The following VWA5B1 variants were observed in gnomAD, a reference collection of about 807,000 sequenced individuals.
The protein encoded by VWA5B1 is von Willebrand factor A domain-containing protein 5B1.
A neutral mutation model predicts 118.2 loss-of-function variants in VWA5B1; 115 were observed. The observed-to-expected ratio is 0.97, with a 90% CI of 0.84 to 1.14. The LOEUF (loss-of-function observed/expected upper bound fraction) is 1.14, where lower values mean the gene tolerates loss of function less well. Among genes scored for constraint, VWA5B1 ranks in the 50% most tolerant of loss-of-function variants. VWA5B1 has a pLI of 0.00. For synonymous variants in VWA5B1, 682 were observed against 658.4 expected (o/e 1.04, Z -0.55); for missense variants, 1,596 against 1,603.8 (o/e 1.00, Z 0.08).
At chr1:20,311,874 G>A (rs1226374237) in intron 2 of VWA5B1, among the ~76,000 whole-genome samples, 4 of 152,182 alleles carry the variant, frequency 2.6e-5, no homozygotes, top group African/African-American at 7.2e-5. Flanking sequence ...CTGTTCCTCT[G>A]TTCAAGGAAA....
At chr1:20,310,837 T>A (rs1255277165) in intron 2 of VWA5B1, 97 bp downstream of exon 2, 1 of 1,396,616 alleles carries the variant, frequency 7.2e-7, no homozygotes. Context: ...AGGCAAGTCA[T>A]GCCACCCCTC....
At position 20,304,752 on chromosome 1, in the gene VWA5B1, C is replaced by A. The variant is rs546674553; in HGVS notation, c.-26-5824C>A. On this transcript the variant is annotated intron_variant, in intron 1 of 21. Coordinates refer to ENST00000289815, the MANE Select transcript of VWA5B1 (RefSeq NM_001039500.3). ...GAGGTGACAAGGCTTGAGGGAAGCT[C>A]GGCACAGGAGATAGTGTACCCTCAT... 6.6e-5 allele frequency among the ~76,000 whole-genome samples: 10 copies of A among 152,174 alleles called. 1 individual carries two copies. Among genetic ancestry groups the A allele is most frequent in the Admixed American group, 6.5e-4 (10 of 15,296 alleles).
At chr1:20,302,605 C>A (rs1485228517) in intron 1 of VWA5B1, among the ~76,000 whole-genome samples, 1 of 152,198 alleles carries the variant, frequency 6.6e-6, no homozygotes, top group Non-Finnish European at 1.5e-5. Flanking sequence ...CCCAGCCTAG[C>A]AGTGTCTGGC....
Position 20,313,010 on chromosome 1 carries a change from C to T in VWA5B1, c.292+22C>T, listed in dbSNP as rs982910943. ...ACAGGTAAGGAGACCAGAAGGGCTG[C>T]CGCGGGACCTGGGTTTGGCCAGCCA... On this transcript the variant is annotated intron_variant, in intron 3 of 21. Coordinates refer to ENST00000289815, the MANE Select transcript of VWA5B1 (RefSeq NM_001039500.3). The T allele has an allele frequency of 3.9e-6, 6 of 1,546,838 alleles. No homozygotes were observed. The African/African-American group carries it at 5.5e-5, about 14-fold the overall frequency.
intron 21 of VWA5B1, among the ~76,000 whole-genome samples, chr1:20,352,577 G>T (rs2090151162): frequency 6.6e-6 from 1 of 152,216 alleles, no homozygotes; most frequent in Non-Finnish European, 1.5e-5. Flanking sequence ...GACATGGACT[G>T]TGTTTAGCAA....
intron 18 of VWA5B1, 58 bp downstream of exon 18, chr1:20,348,416 T>C (rs2090053805): frequency 1.3e-6 from 2 of 1,521,058 alleles, no homozygotes. Context: ...CCTGGGCCCC[T>C]GAGGTTACCG....
In VWA5B1 at chr1:20,312,983, T is replaced by A. The variant is rs1366375078; in HGVS notation, c.287T>A (p.Val96Asp). 1 of 1,551,550 alleles carries A rather than the reference T, an allele frequency of 6.4e-7. No individual in the cohort carries two copies. Among genetic ancestry groups the A allele is most frequent in the South Asian group, 1.2e-5 (1 of 84,036 alleles). ...FDASHVRSPT[V>D]TGNILQDGVS... Reference sequence around the variant, plus strand: ...GCCTCCCATGTTCGATCCCCAACAGTCACAGGTAAGGAGACCAGAAGGGCT... The same window carrying A: ...GCCTCCCATGTTCGATCCCCAACAGACACAGGTAAGGAGACCAGAAGGGCT... The change falls in exon 3 of 22, where the codon GTC (valine) becomes GAC (aspartate). Residue 96 changes from valine to aspartate, a missense_variant. By Grantham distance (152) the Val-to-Asp change is radical. Transcript: ENST00000289815.
At position 20,332,947 on chromosome 1, in the gene VWA5B1, G is replaced by C; in HGVS notation, c.1754G>C (p.Arg585Thr). 1.4e-5 allele frequency: 21 copies of C among 1,551,930 alleles called. No individual in the cohort carries two copies. Among genetic ancestry groups the C allele is most frequent in the Non-Finnish European group, 1.7e-5 (20 of 1,147,028 alleles). ...GCTTCTTTGCACATCTCCAATCCCA[G>C]ATCTGTAAGTATCCTAGAAATTCCA... ...CDASLHISNPRSDKRRRYSML... is the reference protein window; with the variant it reads ...CDASLHISNPTSDKRRRYSML... Residue 585 changes from arginine (R) to threonine (T), a missense_variant, in exon 12 of 22, where the codon AGA becomes ACA. Physicochemically the swap from Arg to Thr is moderately conservative, Grantham distance 71. Coordinates refer to ENST00000289815, the MANE Select transcript of VWA5B1 (RefSeq NM_001039500.3).
rs113500686 is a variant in VWA5B1, at chr1:20,328,172, T to A, written c.1254+172T>A. 7.2e-4 allele frequency among the ~76,000 whole-genome samples: 110 copies of A among 152,090 alleles called. 1 individual carries two copies. The highest frequency in any genetic ancestry group is 2.1e-3 in the African/African-American group (89 of 41,466). Reference sequence around the variant, plus strand: ...GAGAACTGAAGAGAAACTATCTCTGTTTGGACATTTTTCTGACATCTCAGC... The same window carrying A: ...GAGAACTGAAGAGAAACTATCTCTGATTGGACATTTTTCTGACATCTCAGC... On this transcript the variant is annotated intron_variant, in intron 9 of 21. Transcript: ENST00000289815.
chr1:20,337,950 A>G (rs2089768398), intron 14 of VWA5B1, 114 bp downstream of exon 14: 1 of 1,319,746 alleles, frequency 7.6e-7, no homozygotes, highest in Admixed American at 2.0e-5. Flanking sequence ...CTGCCAAGTG[A>G]GTCACTCCCT....
intron 1 of VWA5B1, among the ~76,000 whole-genome samples, chr1:20,297,143 C>A (rs886956763): frequency 1.3e-5 from 2 of 152,202 alleles, no homozygotes; most frequent in African/African-American, 4.8e-5. Context: ...CCTTCTTCCA[C>A]CTCTTACTCC....
At chr1:20,316,604 G>A (rs982014829) in intron 4 of VWA5B1, among the ~76,000 whole-genome samples, 5 of 152,204 alleles carry the variant, frequency 3.3e-5, no homozygotes, top group Non-Finnish European at 7.4e-5. Context: ...TGTGGAGACA[G>A]AACAGGATGG....
At chr1:20,332,218 G>A (rs1557427226) in intron 11 of VWA5B1, among the ~76,000 whole-genome samples, 1 of 152,056 alleles carries the variant, frequency 6.6e-6, no homozygotes, top group Non-Finnish European at 1.5e-5. Context: ...AGTGGCTCAC[G>A]CCTGTAATCC....
rs756764621 is a variant in VWA5B1 at position 20,310,654 on chromosome 1, C to T, written c.53C>T (p.Ser18Phe). The change falls in exon 2 of 22, where the codon TCT becomes TTT. Residue 18 changes from serine (S) to phenylalanine (F), a missense_variant. Physicochemically the swap from Ser to Phe is radical, Grantham distance 155. Coordinates refer to ENST00000289815, the MANE Select transcript of VWA5B1 (RefSeq NM_001039500.3). ...ITGAALPLTA[S>F]DVTSCVSGYA... is the part of the protein sequence containing the mutation. ...GGGGCAGCCCTGCCCCTCACCGCGT[C>T]TGATGTTACCTCCTGTGTCAGCGGT... 10 of 1,550,984 alleles carry T rather than the reference C, an allele frequency of 6.4e-6. No homozygotes were observed. Among genetic ancestry groups the T allele is most frequent in the African/African-American group, 5.5e-5 (4 of 73,046 alleles).
Position 20,332,788 on chromosome 1 carries a change from C to T in VWA5B1, c.1595C>T (p.Ala532Val), listed in dbSNP as rs1429432772. 14 of 1,551,600 alleles carry T rather than the reference C, an allele frequency of 9.0e-6. No individual in the cohort carries two copies. In the East Asian group the frequency reaches 2.2e-4, roughly 24 times the overall value. The change falls in exon 12 of 22, where the codon GCC becomes GTC. Residue 532 changes from alanine to valine, a missense_variant. Transcript: ENST00000289815. The stretch of plus-strand genomic sequence containing the variant: ...CAGATGGTCAAATCCTTGAAGAAGG[C>T]CATGGCCCCAGTCCTGAGCGATGTG... ...QPKMVKSLKK[A>V]MAPVLSDVTV...
chr1:20,303,999 G>A (rs916836662), intron 1 of VWA5B1, among the ~76,000 whole-genome samples: 1 of 152,190 alleles, frequency 6.6e-6, no homozygotes, highest in Non-Finnish European at 1.5e-5. Context: ...CCTGGAAATT[G>A]GGAGTAGATG....
In VWA5B1 at chr1:20,357,674, G is replaced by C. The variant is rs2090253408; in HGVS notation, c.*3411G>C. Among the ~76,000 whole-genome samples the C allele has an allele frequency of 6.6e-6, 1 of 152,204 alleles. No individual in the cohort carries two copies. Among genetic ancestry groups the C allele is most frequent in the Admixed American group, 6.5e-5 (1 of 15,284 alleles). The stretch of plus-strand genomic sequence containing the variant: ...GAGCTTGGCAAGGAGCATTTGAAGA[G>C]TCTCTGTTTCATGAATCATTTTCCC... On this transcript the variant is annotated 3_prime_UTR_variant, in exon 22 of 22. Transcript: ENST00000289815.
intron 17 of VWA5B1, among the ~76,000 whole-genome samples, chr1:20,348,032 G>A (rs368793669): frequency 6.6e-6 from 1 of 152,144 alleles, no homozygotes; most frequent in South Asian, 2.1e-4. Flanking sequence ...GGCTCAGTGG[G>A]GTCCGCACCC....
At chr1:20,303,814 C>T (rs927991273) in intron 1 of VWA5B1, among the ~76,000 whole-genome samples, 1 of 152,230 alleles carries the variant, frequency 6.6e-6, no homozygotes, top group Non-Finnish European at 1.5e-5. Context: ...GCCACCTCCA[C>T]CTCCCTTGTG....
Sources: allele counts gnomAD v4.1 joint callset (sites outside exome capture counted in the v4.1 genomes callset), GRCh38; gene constraint gnomAD v4.1.1; transcripts MANE v1.5; gene names NCBI Gene and HGNC (gene_info 2026-07-23, HGNC 2026-07-21).